The following ZNF385D variants were observed in gnomAD, a reference collection of about 807,000 sequenced individuals.
ZNF385D encodes the protein zinc finger protein 385D.
ZNF385D carries 15 observed loss-of-function variants against 35.8 expected under a neutral mutation model. The observed-to-expected ratio is 0.42, with a 90% confidence interval of 0.28 to 0.64. ZNF385D has a LOEUF of 0.64. ZNF385D is among the 30% of genes least tolerant of loss of function. The pLI is 0.23. For missense variants in ZNF385D, 474 were observed against 494.6 expected (o/e 0.96, Z 0.39); for synonymous variants, 212 against 186.8 (o/e 1.13, Z -1.10).
intron 2 of ZNF385D, among the ~76,000 whole-genome samples, chr3:22,193,654 C>A (rs987900484): frequency 1.3e-5 from 2 of 151,868 alleles, no homozygotes. Flanking sequence ...ATTAGTGTTC[C>A]ATGAAACTTT....
At chr3:21,531,165 C>T (rs1316010723) in intron 3 of ZNF385D, among the ~76,000 whole-genome samples, 1 of 152,062 alleles carries the variant, frequency 6.6e-6, no homozygotes. Flanking sequence ...TACACTGTTG[C>T]TTAATGCTTT....
chr3:21,991,565 A>T (rs1034753312), intron 3 of ZNF385D, among the ~76,000 whole-genome samples: 2 of 152,232 alleles, frequency 1.3e-5, no homozygotes, highest in Admixed American at 1.3e-4. Context: ...TCGTTGGTCA[A>T]ATGGTGGGCA....
chr3:22,348,646 G>A (rs1033433309), intron 2 of ZNF385D, among the ~76,000 whole-genome samples: 15 of 133,584 alleles, frequency 1.1e-4, no homozygotes, highest in African/African-American at 3.1e-4. Context: ...CAGCCTGGGC[G>A]ACAAGAGCAA....
At chr3:21,673,660 G>C (rs928965308) in intron 1 of ZNF385D, among the ~76,000 whole-genome samples, 1 of 152,072 alleles carries the variant, frequency 6.6e-6, no homozygotes, top group African/African-American at 2.4e-5. Flanking sequence ...GAGCAATGAT[G>C]ATCATACTCA....
At chr3:21,976,731 G>T (rs556105017) in intron 3 of ZNF385D, among the ~76,000 whole-genome samples, 1 of 152,282 alleles carries the variant, frequency 6.6e-6, no homozygotes, top group East Asian at 1.9e-4. Flanking sequence ...GGTGTCTCAC[G>T]CTTGTAATCT....
chr3:21,867,249 C>A (rs1697415661), intron 3 of ZNF385D, among the ~76,000 whole-genome samples: 1 of 152,230 alleles, frequency 6.6e-6, no homozygotes, highest in South Asian at 2.1e-4. Context: ...AGCCTCATGA[C>A]CTAATCATCT....
intron 2 of ZNF385D, among the ~76,000 whole-genome samples, chr3:22,208,301 C>A (rs1051112943): frequency 1.1e-4 from 17 of 151,740 alleles, no homozygotes; most frequent in Non-Finnish European, 2.4e-4. Flanking sequence ...ATGGATGGAA[C>A]TGGAGGTCTT....
At chr3:21,638,202 A>G (rs1454264465) in intron 2 of ZNF385D, among the ~76,000 whole-genome samples, 1 of 152,088 alleles carries the variant, frequency 6.6e-6, no homozygotes, top group Non-Finnish European at 1.5e-5. Flanking sequence ...AGTATGCAAT[A>G]TACAGTTGAG....
intron 2 of ZNF385D, among the ~76,000 whole-genome samples, chr3:21,603,486 A>G (rs2064379983): frequency 6.6e-6 from 1 of 152,260 alleles, no homozygotes; most frequent in Non-Finnish European, 1.5e-5. Context: ...ATCTATAGAT[A>G]TTGGTTACAT....
At chr3:21,636,203 C>G (rs777995304) in intron 2 of ZNF385D, among the ~76,000 whole-genome samples, 4 of 151,474 alleles carry the variant, frequency 2.6e-5, no homozygotes, top group Non-Finnish European at 5.9e-5. Context: ...ATTTTCACCA[C>G]AACCACACCA....
At chr3:22,292,941 C>T (rs1702376683) in intron 2 of ZNF385D, among the ~76,000 whole-genome samples, 1 of 152,040 alleles carries the variant, frequency 6.6e-6, no homozygotes, top group South Asian at 2.1e-4. Context: ...TCCTGTTTTT[C>T]CCTTTAGACA....
intron 2 of ZNF385D, among the ~76,000 whole-genome samples, chr3:21,582,998 C>A (rs1326270397): frequency 6.6e-6 from 1 of 152,106 alleles, no homozygotes; most frequent in Non-Finnish European, 1.5e-5. Flanking sequence ...AAACTCCTTA[C>A]CTCGTGATCT....
At chr3:21,764,808 G>A (rs2070757675) in intron 3 of ZNF385D, among the ~76,000 whole-genome samples, 1 of 152,104 alleles carries the variant, frequency 6.6e-6, no homozygotes, top group Admixed American at 6.6e-5. Context: ...ACACTTTGAG[G>A]AAAATACCAT....
At chr3:21,550,077 TATGCAGCTTAAAAACGTAATAG>T (rs2062514211) in intron 3 of ZNF385D, among the ~76,000 whole-genome samples, 1 of 152,092 alleles carries the variant, frequency 6.6e-6, no homozygotes, top group South Asian at 2.1e-4. Flanking sequence ...TGAGACAAAA[TATGCAGCTTAAAAACGTAATAG>T]ATGCAGTAAT....
At chr3:22,062,566 T>A (rs932496456) in intron 3 of ZNF385D, among the ~76,000 whole-genome samples, 4 of 152,226 alleles carry the variant, frequency 2.6e-5, no homozygotes, top group African/African-American at 7.2e-5. Context: ...TACATGCTAC[T>A]TTAAAATATT....
intron 3 of ZNF385D, among the ~76,000 whole-genome samples, chr3:21,895,750 A>T (rs1457513585): frequency 6.6e-6 from 1 of 152,048 alleles, no homozygotes. Flanking sequence ...AGGGGATTCA[A>T]CTAGGTAATA....
chr3:21,977,662 A>G (rs1283679479), intron 3 of ZNF385D, among the ~76,000 whole-genome samples: 4 of 151,924 alleles, frequency 2.6e-5, no homozygotes, highest in Admixed American at 1.3e-4. Flanking sequence ...CTAAAAATAT[A>G]TATATAAAAA....
chr3:22,174,409 A>T (rs1694679468), intron 2 of ZNF385D, among the ~76,000 whole-genome samples: 1 of 151,764 alleles, frequency 6.6e-6, no homozygotes, highest in South Asian at 2.1e-4. Context: ...ACAGCCACTA[A>T]CAGACAGTTT....
chr3:21,783,232 TAATG>T (rs2071560461), intron 3 of ZNF385D, among the ~76,000 whole-genome samples: 1 of 152,102 alleles, frequency 6.6e-6, no homozygotes, highest in Admixed American at 6.6e-5. Context: ...CCTGGATAGG[TAATG>T]AATAAGCCAT....
Sources: gnomAD v4.1 joint callset for allele counts (sites outside exome capture counted in the v4.1 genomes callset) on GRCh38, gnomAD v4.1.1 for gene constraint, MANE v1.5 for transcripts, NCBI Gene and HGNC (gene_info 2026-07-23, HGNC 2026-07-21) for gene names.